UBE2E2: variants seen among roughly 807,000 people sequenced by gnomAD.
UBE2E2 encodes the protein ubiquitin conjugating enzyme E2 E2, also known as ubiquitin-conjugating enzyme E2 E2.
In UBE2E2, 6 loss-of-function variants were observed where a neutral mutation model predicts 24.7. The observed-to-expected ratio is 0.24, with a 90% CI of 0.13 to 0.48. The LOEUF is 0.48. Among genes scored for constraint, UBE2E2 ranks in the 20% least tolerant of loss-of-function variants. The probability of loss-of-function intolerance (pLI) is 0.99; values close to 1 mark genes in which losing one functional copy is unlikely to be tolerated. For synonymous variants in UBE2E2, 104 were observed against 83.6 expected, an observed-to-expected ratio of 1.24 and a Z score of -1.33; for missense variants, 169 against 245.0, an observed-to-expected ratio of 0.69 and a Z score of 2.07.
At chr3:23,547,015 T>C (rs1404295625) in intron 5 of UBE2E2, among the ~76,000 whole-genome samples, 1 of 152,202 alleles carries the variant, frequency 6.6e-6, no homozygotes, top group Non-Finnish European at 1.5e-5. Flanking sequence ...TTAGAGTTAT[T>C]TTATTGAGCA....
rs114912697 is a variant in UBE2E2 at position 23,309,514 on chromosome 3, C to T, written c.227+92202C>T. ...TTACTCCAAAGTATATTGACCTAAA[C>T]CTTTATTATCTCATAGTTTTGTGGG... On this transcript the variant is annotated intron_variant, in intron 3 of 5. Transcript: ENST00000396703. Among the ~76,000 whole-genome samples, 550 of 152,174 alleles carry T rather than the reference C, an allele frequency of 3.6e-3. 4 individuals carry two copies. The highest frequency in any genetic ancestry group is 0.013 in the African/African-American group (525 of 41,520).
At chr3:23,576,691 T>C (rs1696354689) in intron 5 of UBE2E2, among the ~76,000 whole-genome samples, 1 of 152,066 alleles carries the variant, frequency 6.6e-6, no homozygotes, top group Non-Finnish European at 1.5e-5. Flanking sequence ...GCAGTAAACA[T>C]ATAGGGTAAG....
chr3:23,530,085 TA>T (rs1205118187), intron 4 of UBE2E2, among the ~76,000 whole-genome samples: 2 of 152,240 alleles, frequency 1.3e-5, no homozygotes, highest in Admixed American at 6.5e-5. Flanking sequence ...AAACATATGA[TA>T]GGGGGATCTT....
chr3:23,247,045 G>C (rs764331562), intron 3 of UBE2E2, among the ~76,000 whole-genome samples: 33 of 151,996 alleles, frequency 2.2e-4, no homozygotes, highest in Non-Finnish European at 4.0e-4. Flanking sequence ...TGTAGAGACA[G>C]AGTCTTGTTA....
intron 2 of UBE2E2, among the ~76,000 whole-genome samples, chr3:23,216,950 A>G (rs549317820): frequency 1.3e-5 from 2 of 152,176 alleles, no homozygotes; most frequent in African/African-American, 4.8e-5. Flanking sequence ...ACAGAAGTTA[A>G]AATGACCCAT....
chr3:23,551,863 A>G (rs1695652367), intron 5 of UBE2E2, among the ~76,000 whole-genome samples: 1 of 152,180 alleles, frequency 6.6e-6, no homozygotes, highest in South Asian at 2.1e-4. Context: ...TTGAAGCCCT[A>G]ACTCCTAATG....
intron 5 of UBE2E2, among the ~76,000 whole-genome samples, chr3:23,551,022 AAAAGCAAGTTTTG>A (rs1370206150): frequency 6.6e-6 from 1 of 152,224 alleles, no homozygotes; most frequent in Non-Finnish European, 1.5e-5. Context: ...CTAACAGTTT[AAAAGCAAGTTTTG>A]AAAGTATCAT....
At chr3:23,220,610 G>A (rs1373328530) in intron 3 of UBE2E2, among the ~76,000 whole-genome samples, 1 of 152,160 alleles carries the variant, frequency 6.6e-6, no homozygotes, top group Non-Finnish European at 1.5e-5. Flanking sequence ...ACATTTGCAA[G>A]GGTTCTATCC....
At chr3:23,349,585 C>CACGCAAGGCTCGGAGGGTCCT (rs1695666288) in intron 3 of UBE2E2, among the ~76,000 whole-genome samples, 1 of 152,226 alleles carries the variant, frequency 6.6e-6, no homozygotes, top group African/African-American at 2.4e-5. Context: ...GATTATATCC[C>CACGCAAGGCTCGGAGGGTCCT]ACGCAAGGCT....
intron 3 of UBE2E2, among the ~76,000 whole-genome samples, chr3:23,417,721 G>C (rs535040338): frequency 6.6e-6 from 1 of 152,290 alleles, no homozygotes; most frequent in South Asian, 2.1e-4. Flanking sequence ...CCCCTGACTA[G>C]GGCTGCTGCC....
At chr3:23,504,654 A>T (rs1407847413) in intron 4 of UBE2E2, among the ~76,000 whole-genome samples, 3 of 152,176 alleles carry the variant, frequency 2.0e-5, no homozygotes, top group African/African-American at 4.8e-5. Flanking sequence ...TTATGGTTGC[A>T]TTAATTTACA....
intron 3 of UBE2E2, among the ~76,000 whole-genome samples, chr3:23,415,485 A>G (rs921465809): frequency 3.9e-5 from 6 of 152,226 alleles, no homozygotes; most frequent in Non-Finnish European, 8.8e-5. Context: ...AGTACATTAC[A>G]TGTAAAAAAT....
chr3:23,554,102 G>C (rs1412496667), intron 5 of UBE2E2, among the ~76,000 whole-genome samples: 1 of 152,064 alleles, frequency 6.6e-6, no homozygotes, highest in South Asian at 2.1e-4. Flanking sequence ...TGGGGTTGAG[G>C]GGGGAAGAGA....
At chr3:23,446,297 C>T (rs1341583131) in intron 3 of UBE2E2, among the ~76,000 whole-genome samples, 1 of 152,184 alleles carries the variant, frequency 6.6e-6, no homozygotes, top group Non-Finnish European at 1.5e-5. Flanking sequence ...GCCTGGAGCC[C>T]TGAACTCCTT....
chr3:23,514,858 A>T (rs1172715508), intron 4 of UBE2E2, among the ~76,000 whole-genome samples: 1 of 152,148 alleles, frequency 6.6e-6, no homozygotes, highest in Non-Finnish European at 1.5e-5. Flanking sequence ...TACTAATGAA[A>T]AATAAGACAA....
chr3:23,503,253 A>G (rs781434938), intron 4 of UBE2E2, among the ~76,000 whole-genome samples: 13 of 151,714 alleles, frequency 8.6e-5, no homozygotes, highest in Non-Finnish European at 1.8e-4. Context: ...GAAGTGGCAC[A>G]ATCTCGGCTT....
At chr3:23,376,146 G>C (rs1375615576) in intron 3 of UBE2E2, among the ~76,000 whole-genome samples, 1 of 152,108 alleles carries the variant, frequency 6.6e-6, no homozygotes, top group African/African-American at 2.4e-5. Context: ...TCATACTCAA[G>C]TTTGTAGTTT....
At chr3:23,462,072 TTAA>T (rs1414936290) in intron 3 of UBE2E2, among the ~76,000 whole-genome samples, 14 of 152,206 alleles carry the variant, frequency 9.2e-5, no homozygotes, top group Non-Finnish European at 1.5e-4. Context: ...TTTCTCATTT[TTAA>T]TAATATAAGG....
chr3:23,292,528 C>T (rs1208294797), intron 3 of UBE2E2, among the ~76,000 whole-genome samples: 1 of 152,164 alleles, frequency 6.6e-6, no homozygotes, highest in African/African-American at 2.4e-5. Context: ...CACTGTACCT[C>T]TCAGAGCCCC....
Sources: allele counts gnomAD v4.1 joint callset (sites outside exome capture counted in the v4.1 genomes callset), GRCh38; gene constraint gnomAD v4.1.1; transcripts MANE v1.5; gene names NCBI Gene and HGNC (gene_info 2026-07-23, HGNC 2026-07-21).